The following IGF2BP3 variants were observed in gnomAD, a reference collection of about 807,000 sequenced individuals.
The protein encoded by IGF2BP3 is insulin-like growth factor 2 mRNA-binding protein 3.
A neutral mutation model predicts 73.8 loss-of-function variants in IGF2BP3; 9 were observed. The observed-to-expected ratio is 0.12, with a 90% CI of 0.07 to 0.21. IGF2BP3 has a LOEUF of 0.21. IGF2BP3 is among the 10% of genes least tolerant of loss of function. IGF2BP3 has a pLI of 1.00. For synonymous variants in IGF2BP3, 258 were observed against 256.7 expected (o/e 1.01, Z -0.05); for missense variants, 542 against 714.0 (o/e 0.76, Z 2.75).
At position 23,447,323 on chromosome 7, in the gene IGF2BP3, G is replaced by T. The variant is rs370117034; in HGVS notation, c.236+21159C>A. The stretch of plus-strand genomic sequence containing the variant: ...ACTAGCTTATACTCCTCAAAAACAG[G>T]AAAGTCATTAAATCAAATGAAGGAT... On this transcript the variant is annotated intron_variant, in intron 2 of 14. Transcript: ENST00000258729. Among the ~76,000 whole-genome samples, 14 of 151,718 alleles carry T rather than the reference G, an allele frequency of 9.2e-5. No individual in the cohort carries two copies. The East Asian group carries it at 2.3e-3, about 25-fold the overall frequency.
chr7:23,469,955 C>T lies in IGF2BP3; in HGVS notation c.156G>A (p.Lys52=), dbSNP rs564664008. 7 of 1,610,936 alleles carry T rather than the reference C, an allele frequency of 4.3e-6. No individual in the cohort carries two copies. In the South Asian group the frequency reaches 4.4e-5, roughly 10 times the overall value. ...VDCPDESWAL[K]AIEALSGKIE... Reference sequence around the variant, plus strand: ...GCCCACCTGAAAGCGCCTCGATGGCCTTGAGGGCCCAGCTCTCGTCCGGGC... The same window carrying T: ...GCCCACCTGAAAGCGCCTCGATGGCTTTGAGGGCCCAGCTCTCGTCCGGGC... Residue 52 remains lysine, a synonymous_variant, in exon 1 of 15, where the codon AAG becomes AAA. Transcript: ENST00000258729. The surrounding 1 kb of genome is among the most constrained non-coding windows in gnomAD (Gnocchi z 6.1).
Position 23,313,535 on chromosome 7 carries a change from T to C in IGF2BP3, c.1514A>G (p.Lys505Arg), listed in dbSNP as rs1293076822. 6.8e-6 allele frequency: 11 copies of C among 1,614,052 alleles called. No individual in the cohort carries two copies. The highest frequency in any genetic ancestry group is 9.3e-6 in the Non-Finnish European group (11 of 1,180,026). ...TGAAGTACTTGCCGTTTTGCCTCCTTTTCCAATAACTCTGCCAGCAGCAAA... is the reference window on the plus strand; with the variant it reads ...TGAAGTACTTGCCGTTTTGCCTCCTCTTCCAATAACTCTGCCAGCAGCAAA... ...PSFAAGRVIG[K>R]GGKTVNELQN... Residue 505 changes from lysine to arginine, a missense_variant, in exon 13 of 15, where the codon AAA becomes AGA. Lys to Arg is a conservative substitution (Grantham distance 26). Coordinates refer to ENST00000258729, the MANE Select transcript of IGF2BP3 (RefSeq NM_006547.3).
intron 8 of IGF2BP3, among the ~76,000 whole-genome samples, 166 bp downstream of exon 8, chr7:23,345,774 C>T (rs1473975351): frequency 1.3e-5 from 2 of 152,194 alleles, no homozygotes; most frequent in African/African-American, 2.4e-5. Flanking sequence ...GCTTTCAATA[C>T]GGGTCAGAAA....
At chr7:23,407,898 G>A (rs1195055087) in intron 3 of IGF2BP3, among the ~76,000 whole-genome samples, 2 of 126,112 alleles carry the variant, frequency 1.6e-5, no homozygotes, top group African/African-American at 3.0e-5. Flanking sequence ...CCACAATAAA[G>A]TGGAGTTTAT....
intron 5 of IGF2BP3, among the ~76,000 whole-genome samples, chr7:23,352,278 ATTTTTTTTTTTTTTT>A (rs70966011): frequency 2.7e-5 from 2 of 73,760 alleles, no homozygotes; most frequent in African/African-American, 5.1e-5. Flanking sequence ...TCTCTTTTTC[ATTTTTTTTTTTTTTT>A]TTTTTTTTTT....
At chr7:23,468,993 A>T (rs1186033548) in intron 1 of IGF2BP3, among the ~76,000 whole-genome samples, 3 of 152,192 alleles carry the variant, frequency 2.0e-5, no homozygotes, top group Admixed American at 6.5e-5. Flanking sequence ...GGGCTTGAGG[A>T]AGACAGGGAG....
chr7:23,404,235 A>C (rs780300039), intron 3 of IGF2BP3, among the ~76,000 whole-genome samples: 68 of 152,322 alleles, frequency 4.5e-4, no homozygotes, highest in Admixed American at 1.2e-3. Flanking sequence ...ACCCAAAGGC[A>C]GAGTACTAAA....
At chr7:23,368,972 A>G (rs150671453) in intron 3 of IGF2BP3, among the ~76,000 whole-genome samples, 5 of 152,186 alleles carry the variant, frequency 3.3e-5, no homozygotes, top group Non-Finnish European at 7.3e-5. Flanking sequence ...TATGTGAATT[A>G]TATCTCAATA....
chr7:23,408,976 T>TG (rs34317645), intron 3 of IGF2BP3, among the ~76,000 whole-genome samples: 44,289 of 151,210 alleles, frequency 0.29, 6,561 homozygotes, highest in South Asian at 0.36. Context: ...AGAGTGGGGA[T>TG]GGGGGGGATG....
intron 3 of IGF2BP3, among the ~76,000 whole-genome samples, chr7:23,382,582 C>T (rs1254399746): frequency 6.6e-6 from 1 of 152,132 alleles, no homozygotes; most frequent in African/African-American, 2.4e-5. Flanking sequence ...ATATCACAAT[C>T]AGTGCCTCAT....
chr7:23,371,256 C>A (rs996193415), intron 3 of IGF2BP3, among the ~76,000 whole-genome samples: 1 of 151,946 alleles, frequency 6.6e-6, no homozygotes, highest in South Asian at 2.1e-4. Flanking sequence ...CTACTCATTG[C>A]AACAAGAGAG....
At chr7:23,370,970 C>T (rs558710494) in intron 3 of IGF2BP3, among the ~76,000 whole-genome samples, 12 of 152,190 alleles carry the variant, frequency 7.9e-5, no homozygotes, top group South Asian at 2.1e-4. Context: ...TGAGTCACTG[C>T]GCCCAGCCAG....
chr7:23,347,872 C>G (rs1209570689), intron 6 of IGF2BP3, 138 bp from the exon 7 acceptor site: 1 of 927,620 alleles, frequency 1.1e-6, no homozygotes, highest in Non-Finnish European at 1.6e-6. Context: ...CATAAACTTT[C>G]AATAAGCTGT....
At chr7:23,366,020 A>G (rs192758324) in intron 3 of IGF2BP3, 4 of 152,332 alleles carry the variant, frequency 2.6e-5, no homozygotes, top group African/African-American at 9.6e-5. Flanking sequence ...CCACACACAC[A>G]CACAAGTAGA....
intron 3 of IGF2BP3, among the ~76,000 whole-genome samples, chr7:23,377,453 T>C (rs1785764198): frequency 6.6e-6 from 1 of 152,176 alleles, no homozygotes; most frequent in Non-Finnish European, 1.5e-5. Context: ...AGGATGGCTA[T>C]AATTGAAAAG....
At chr7:23,346,417 A>G (rs1315213751) in intron 7 of IGF2BP3, among the ~76,000 whole-genome samples, 4 of 152,308 alleles carry the variant, frequency 2.6e-5, no homozygotes, top group African/African-American at 7.2e-5. Flanking sequence ...AGATATGTGC[A>G]TAATTTATAG....
intron 5 of IGF2BP3, among the ~76,000 whole-genome samples, chr7:23,360,353 T>C (rs1785195144): frequency 6.6e-6 from 1 of 152,214 alleles, no homozygotes; most frequent in South Asian, 2.1e-4. Flanking sequence ...TCAAATACTA[T>C]GTAACTATAA....
intron 10 of IGF2BP3, among the ~76,000 whole-genome samples, chr7:23,338,113 C>G (rs567879174): frequency 6.6e-6 from 1 of 152,002 alleles, no homozygotes; most frequent in Admixed American, 6.5e-5. Context: ...ACAGACATAA[C>G]GGCAACATCC....
At chr7:23,453,548 C>T (rs538567249) in intron 2 of IGF2BP3, among the ~76,000 whole-genome samples, 57 of 152,254 alleles carry the variant, frequency 3.7e-4, no homozygotes, top group African/African-American at 1.0e-3. Flanking sequence ...CAATATTGTA[C>T]GATATTGCTG....
Sources: gnomAD v4.1 joint callset for allele counts (sites outside exome capture counted in the v4.1 genomes callset) on GRCh38, gnomAD v4.1.1 for gene constraint, Gnocchi (gnomAD v3.1) non-coding constraint, MANE v1.5 for transcripts, NCBI Gene and HGNC (gene_info 2026-07-23, HGNC 2026-07-21) for gene names.